The following ERMP1 variants were observed in gnomAD, a reference collection of about 807,000 sequenced individuals.
The protein encoded by ERMP1 is Felix-ina.
A neutral mutation model predicts 92.0 loss-of-function variants in ERMP1; 86 were observed. That is an observed-to-expected ratio of 0.93 (90% CI 0.79 to 1.12). The LOEUF is 1.12. ERMP1 is among the 50% of genes most tolerant of loss of function. The pLI is 0.00. For synonymous variants in ERMP1, 530 were observed against 412.8 expected, an observed-to-expected ratio of 1.28 and a Z score of -3.44; for missense variants, 1,342 against 1,116.3, an observed-to-expected ratio of 1.20 and a Z score of -2.88.
chr9:5,828,285 C>T (rs953559595), intron 2 of ERMP1, among the ~76,000 whole-genome samples: 1 of 152,144 alleles, frequency 6.6e-6, no homozygotes, highest in Non-Finnish European at 1.5e-5. Flanking sequence ...GTCACTTTGA[C>T]ATACGGATTA....
At chr9:5,841,054 T>C (rs188550681) in intron 6 of ERMP1, among the ~76,000 whole-genome samples, 8 of 152,236 alleles carry the variant, frequency 5.3e-5, no homozygotes, top group Non-Finnish European at 1.2e-4. Context: ...TCCCTACCCG[T>C]AGGAATGTAA....
At chr9:5,836,961 G>A (rs1268313458), upstream of ERMP1, among the ~76,000 whole-genome samples, 1 of 152,124 alleles carries the variant, frequency 6.6e-6, no homozygotes, top group Admixed American at 6.5e-5. Context: ...GGTCCCCTGT[G>A]TTTTCTACGT....
intron 6 of ERMP1, among the ~76,000 whole-genome samples, chr9:5,859,237 T>G (rs985188253): frequency 2.0e-5 from 3 of 150,736 alleles, no homozygotes; most frequent in African/African-American, 7.3e-5. Context: ...TAAACAGGAC[T>G]TAATGGAATA....
chr9:5,840,985 T>C (rs909022316), intron 6 of ERMP1, among the ~76,000 whole-genome samples: 2 of 152,244 alleles, frequency 1.3e-5, no homozygotes, highest in Admixed American at 6.5e-5. Context: ...TGAGGCGAAC[T>C]TGATTTATAT....
At chr9:5,832,021 C>T (rs1056922347) in intron 1 of ERMP1, among the ~76,000 whole-genome samples, 5 of 151,638 alleles carry the variant, frequency 3.3e-5, no homozygotes, top group African/African-American at 1.2e-4. Context: ...ACTTCATGAG[C>T]TTTGACACAC....
At position 5,812,937 on chromosome 9, in the gene ERMP1, G is replaced by C; in HGVS notation, c.973C>G (p.Pro325Ala). ...TAGATACGAAAGTCAGTATCTGAAG[G>C]AATGATTCCACTCTGAAAAACCTCC... is the stretch of plus-strand genomic sequence containing the variant. ...AQEVFQSGII[P>A]SDTDFRIYRD... is the part of the protein sequence containing the mutation. The change falls in exon 5 of 15, where the codon CCT becomes GCT. Residue 325 changes from proline to alanine, a missense_variant. Pro to Ala is a conservative substitution (Grantham distance 27). Coordinates refer to ENST00000339450, the MANE Select transcript of ERMP1 (RefSeq NM_024896.3). 1 of 1,614,000 alleles carries C rather than the reference G, an allele frequency of 6.2e-7. No individual in the cohort carries two copies. The highest frequency in any genetic ancestry group is 8.5e-7 in the Non-Finnish European group (1 of 1,179,914).
intron 6 of ERMP1, among the ~76,000 whole-genome samples, chr9:5,858,228 A>C (rs941655731): frequency 6.6e-6 from 1 of 152,068 alleles, no homozygotes; most frequent in Non-Finnish European, 1.5e-5. Flanking sequence ...CCTGGAACCC[A>C]GATTGGGGAA....
intron 4 of ERMP1, among the ~76,000 whole-genome samples, chr9:5,813,447 T>A (rs1367971390): frequency 6.6e-6 from 1 of 152,230 alleles, no homozygotes; most frequent in Admixed American, 6.5e-5. Flanking sequence ...CCTATGTTGC[T>A]AGATACAAAT....
rs772562879 is a variant in ERMP1, at chr9:5,799,004, A to G, written c.2072T>C (p.Met691Thr). The G allele has an allele frequency of 5.0e-6, 8 of 1,611,934 alleles. No individual in the cohort carries two copies. In the South Asian group the frequency reaches 8.8e-5, roughly 18 times the overall value. ...PKPKRVFLQHMTRTFHDLEGN... is the reference protein window; with the variant it reads ...PKPKRVFLQHTTRTFHDLEGN... ...TTCCAAGTCATGGAATGTTCTAGTC[A>G]TATGCTGAAAAAAAAAGACTAGTGA... Residue 691 changes from methionine to threonine, a missense_variant, in exon 12 of 15, where the codon ATG (methionine) becomes ACG (threonine). By Grantham distance (81) the Met-to-Thr change is moderately conservative. Coordinates refer to ENST00000339450, the MANE Select transcript of ERMP1 (RefSeq NM_024896.3).
At chr9:5,818,947 T>C (rs141325366) in intron 4 of ERMP1, among the ~76,000 whole-genome samples, 1 of 152,346 alleles carries the variant, frequency 6.6e-6, no homozygotes, top group African/African-American at 2.4e-5. Context: ...GCTGATCAAG[T>C]ATTTTAAAAA....
At chr9:5,787,906 A>G (rs1400258240) in intron 13 of ERMP1, among the ~76,000 whole-genome samples, 2 of 152,224 alleles carry the variant, frequency 1.3e-5, no homozygotes, top group East Asian at 3.8e-4. Context: ...ATATTAGAAA[A>G]AGCATATGAA....
chr9:5,847,427 A>T (rs1830250671), intron 6 of ERMP1, among the ~76,000 whole-genome samples: 2 of 151,948 alleles, frequency 1.3e-5, no homozygotes, highest in South Asian at 4.1e-4. Context: ...TTAGTAGAGA[A>T]GGAGTTTCAC....
intron 2 of ERMP1, among the ~76,000 whole-genome samples, chr9:5,825,854 C>T (rs1339985708): frequency 6.6e-6 from 1 of 152,096 alleles, no homozygotes; most frequent in Non-Finnish European, 1.5e-5. Context: ...CTCTGAACCT[C>T]TTCTTGATTC....
chr9:5,841,008 G>A (rs899895250), intron 6 of ERMP1, among the ~76,000 whole-genome samples: 3 of 152,172 alleles, frequency 2.0e-5, no homozygotes, highest in Non-Finnish European at 4.4e-5. Context: ...TACTTAAAGG[G>A]CAACTTTTTA....
Position 5,785,790 on chromosome 9 carries a change from T to A in ERMP1, c.*1354A>T, listed in dbSNP as rs1222197791. 1 of 152,300 alleles carries A rather than the reference T, an allele frequency of 6.6e-6. No homozygotes were observed. The highest frequency in any genetic ancestry group is 1.5e-5 in the Non-Finnish European group (1 of 68,040). The allele number at this position is 152,300 out of a possible 1,614,324, so 9.4% of individuals were successfully genotyped here. Reference sequence around the variant, plus strand: ...AATCTAGCCACCCTTTTTTGTTAACTGTGCCTTTTCTTTCAACTTTTTGTC... The same window carrying A: ...AATCTAGCCACCCTTTTTTGTTAACAGTGCCTTTTCTTTCAACTTTTTGTC... On this transcript the variant is annotated 3_prime_UTR_variant, in exon 15 of 15. Coordinates refer to ENST00000339450, the MANE Select transcript of ERMP1 (RefSeq NM_024896.3).
chr9:5,792,423 A>G (rs1563746585), intron 13 of ERMP1, among the ~76,000 whole-genome samples: 1 of 152,210 alleles, frequency 6.6e-6, no homozygotes, highest in Non-Finnish European at 1.5e-5. Context: ...ATGTACCAAA[A>G]AAGATAAAGT....
chr9:5,808,050 C>G (rs1475352164), intron 8 of ERMP1, among the ~76,000 whole-genome samples: 1 of 152,102 alleles, frequency 6.6e-6, no homozygotes. Context: ...GTCTCAAACT[C>G]CTGGCCTCAA....
At chr9:5,810,895 T>C (rs576290067) in intron 7 of ERMP1, among the ~76,000 whole-genome samples, 1 of 152,334 alleles carries the variant, frequency 6.6e-6, no homozygotes, top group African/African-American at 2.4e-5. Context: ...TGTGGTACTT[T>C]TATGGAGTGC....
upstream of ERMP1, among the ~76,000 whole-genome samples, chr9:5,834,765 TG>T (rs1268827550): frequency 8.7e-6 from 1 of 115,374 alleles, no homozygotes; most frequent in Admixed American, 1.0e-4. Flanking sequence ...CAATATCCCA[TG>T]GTACCATAAT....
Sources: allele counts gnomAD v4.1 joint callset (sites outside exome capture counted in the v4.1 genomes callset), GRCh38; gene constraint gnomAD v4.1.1; transcripts MANE v1.5; gene names NCBI Gene and HGNC (gene_info 2026-07-23, HGNC 2026-07-21).